TENM2: variants seen among roughly 807,000 people sequenced by gnomAD.
TENM2 encodes the protein teneurin transmembrane protein 2.
Under a neutral mutation model 245.2 loss-of-function variants are expected in TENM2, and 52 were observed. That is an observed-to-expected ratio of 0.21 (90% CI 0.17 to 0.27). The LOEUF is 0.27. TENM2 is among the 10% of genes least tolerant of loss of function. The probability of loss-of-function intolerance (pLI) is 1.00; values close to 1 mark genes in which losing one functional copy is unlikely to be tolerated. For synonymous variants in TENM2, 1,363 were observed against 1,438.9 expected (o/e 0.95, Z 1.19); for missense variants, 3,046 against 3,666.8 (o/e 0.83, Z 4.37).
intron 2 of TENM2, among the ~76,000 whole-genome samples, chr5:167,680,664 G>T (rs1419083146): frequency 6.6e-6 from 1 of 152,190 alleles, no homozygotes; most frequent in African/African-American, 2.4e-5. Flanking sequence ...CGGTGGCCCA[G>T]ATTAGCAGAA....
chr5:168,190,405 C>T lies in TENM2; in HGVS notation c.2638C>T (p.Arg880Trp), dbSNP rs748990955. The T allele has an allele frequency of 1.5e-5, 24 of 1,613,786 alleles. No individual in the cohort carries two copies. The East Asian group carries it at 1.6e-4, about 10-fold the overall frequency. The stretch of plus-strand genomic sequence containing the variant: ...AGCCTGTCAGAACAGCCTGCTCTGC[C>T]GGGGGTCCCGGGACCCACTGGACAT... The change falls in exon 14 of 29, where the codon CGG becomes TGG. Residue 880 changes from arginine to tryptophan, a missense_variant. Physicochemically the swap from Arg to Trp is moderately radical, Grantham distance 101 (BLOSUM62 -3). This residue lies in a region of TENM2 where 2,704 missense variants were observed against 3,331.9 expected (regional missense o/e 0.81). Coordinates refer to ENST00000518659, the Ensembl canonical transcript of TENM2.
At chr5:167,861,239 G>A in intron 2 of TENM2, among the ~76,000 whole-genome samples, 1 of 151,894 alleles carries the variant, frequency 6.6e-6, no homozygotes, top group East Asian at 1.9e-4. Flanking sequence ...CAAGAAGGTG[G>A]GCAAAGGCCT....
chr5:167,980,867 C>A (rs955768725), intron 4 of TENM2, among the ~76,000 whole-genome samples: 1 of 152,106 alleles, frequency 6.6e-6, no homozygotes, highest in Non-Finnish European at 1.5e-5. Flanking sequence ...GAGAGAAGGA[C>A]AGGAACCATG....
chr5:168,048,504 ATAACTT>A (rs1788808213), intron 6 of TENM2, among the ~76,000 whole-genome samples: 1 of 152,214 alleles, frequency 6.6e-6, no homozygotes, highest in South Asian at 2.1e-4. Context: ...TTAGCATTGT[ATAACTT>A]TAACAACTTT....
chr5:167,272,263 G>A, the TENM2 span, among the ~76,000 whole-genome samples: 1 of 152,156 alleles, frequency 6.6e-6, no homozygotes, highest in African/African-American at 2.4e-5. Context: ...ACACAAGAAT[G>A]GGATGCACTG....
the TENM2 span, among the ~76,000 whole-genome samples, chr5:167,249,997 C>T: frequency 6.6e-6 from 1 of 152,220 alleles, no homozygotes; most frequent in South Asian, 2.1e-4. Context: ...TCCAGGAAGG[C>T]CATACATGAT....
intron 6 of TENM2, among the ~76,000 whole-genome samples, chr5:168,061,732 G>A (rs1790053766): frequency 6.6e-6 from 1 of 152,066 alleles, no homozygotes; most frequent in Non-Finnish European, 1.5e-5. Context: ...CTGCTGATAA[G>A]TTTTACATCC....
intron 2 of TENM2, among the ~76,000 whole-genome samples, chr5:167,566,475 G>A (rs1773914982): frequency 6.6e-6 from 1 of 152,110 alleles, no homozygotes; most frequent in Admixed American, 6.6e-5. Flanking sequence ...CCAGATTATT[G>A]TAAAACAGAA....
At position 167,708,233 on chromosome 5, in the gene TENM2, GGAGAGA is replaced by G. The variant is rs10646203; in HGVS notation, c.503-167735_503-167730del. Among the ~76,000 whole-genome samples, 1,184 of 149,104 alleles carry G rather than the reference GGAGAGA, an allele frequency of 7.9e-3. 7 individuals are homozygous for G. The highest frequency in any genetic ancestry group is 0.012 in the Non-Finnish European group (816 of 67,102). On this transcript the variant is annotated intron_variant, in intron 2 of 28. Transcript: ENST00000518659. ...TGTATGCTACGGGGAAGAAAGTGAT[GGAGAGA>G]GAGAGAGAGAGAGAGAGTTAGATGA... is the stretch of plus-strand genomic sequence containing the variant.
intron 2 of TENM2, among the ~76,000 whole-genome samples, chr5:167,511,690 C>A (rs1383598693): frequency 6.6e-6 from 1 of 152,098 alleles, no homozygotes; most frequent in African/African-American, 2.4e-5. Context: ...TGCCTGGTAG[C>A]CTGTGCCATA....
intron 1 of TENM2, among the ~76,000 whole-genome samples, chr5:167,366,414 T>C (rs1760058265): frequency 6.6e-6 from 1 of 152,130 alleles, no homozygotes; most frequent in South Asian, 2.1e-4. Flanking sequence ...ATCATCATAA[T>C]AGCTACATTT....
chr5:168,207,783 T>A (rs1479016418), intron 19 of TENM2, among the ~76,000 whole-genome samples: 1 of 152,188 alleles, frequency 6.6e-6, no homozygotes, highest in Non-Finnish European at 1.5e-5. Flanking sequence ...ATTGGGATCC[T>A]ATTGAAATGT....
intron 23 of TENM2, among the ~76,000 whole-genome samples, chr5:168,222,119 C>A (rs1184241681): frequency 6.6e-6 from 1 of 152,200 alleles, no homozygotes; most frequent in Non-Finnish European, 1.5e-5. Context: ...ACTCAACTAA[C>A]TGTAGAGTGG....
intron 6 of TENM2, among the ~76,000 whole-genome samples, chr5:168,050,788 T>C (rs963411329): frequency 3.3e-5 from 5 of 152,228 alleles, no homozygotes; most frequent in African/African-American, 9.6e-5. Flanking sequence ...GGAGAGTACA[T>C]TCTTTGGTCT....
chr5:167,925,472 C>T (rs907061295), intron 3 of TENM2, among the ~76,000 whole-genome samples: 2 of 152,266 alleles, frequency 1.3e-5, no homozygotes, highest in Non-Finnish European at 2.9e-5. Flanking sequence ...TTTGTCAAAA[C>T]GTTTCAAATT....
chr5:167,209,008 C>A, the TENM2 span, among the ~76,000 whole-genome samples: 1 of 152,130 alleles, frequency 6.6e-6, no homozygotes, highest in East Asian at 1.9e-4. Flanking sequence ...GTGGGAGAAT[C>A]AGGAAGCTAT....
At chr5:167,285,848 C>T (rs938908006) in intron 1 of TENM2, among the ~76,000 whole-genome samples, 10 of 152,264 alleles carry the variant, frequency 6.6e-5, no homozygotes, top group Non-Finnish European at 1.3e-4. Context: ...GGAAGGGTCA[C>T]TCTGCCAGTG....
intron 2 of TENM2, among the ~76,000 whole-genome samples, chr5:167,799,427 T>C (rs1044053652): frequency 1.3e-5 from 2 of 152,262 alleles, no homozygotes; most frequent in Non-Finnish European, 2.9e-5. Context: ...TTTCTATTTA[T>C]GGCAGATACT....
rs755568701 is a variant in TENM2 at position 167,505,395 on chromosome 5, G to A, written c.502+129922G>A. Among the ~76,000 whole-genome samples the A allele has an allele frequency of 4.6e-5, 7 of 152,210 alleles. No individual in the cohort carries two copies. In the South Asian group the frequency reaches 8.3e-4, roughly 18 times the overall value. ...CACAAGAGCAGAAGAATGTGTGAAGGTATTAGCTGCCACTTAGTTGTTTAG... is the reference window on the plus strand; with the variant it reads ...CACAAGAGCAGAAGAATGTGTGAAGATATTAGCTGCCACTTAGTTGTTTAG... On this transcript the variant is annotated intron_variant, in intron 2 of 28. Transcript: ENST00000518659.
Sources: gnomAD v4.1 joint callset for allele counts (sites outside exome capture counted in the v4.1 genomes callset) on GRCh38, gnomAD v4.1.1 for gene constraint, gnomAD v4.1.1 regional missense constraint, MANE v1.5 for transcripts, NCBI Gene and HGNC (gene_info 2026-07-23, HGNC 2026-07-21) for gene names.